Variants in PCMTD1 observed in about 807,000 individuals in gnomAD.
PCMTD1 encodes the protein protein-L-isoaspartate (D-aspartate) O-methyltransferase domain containing 1, also known as protein-L-isoaspartate O-methyltransferase domain-containing protein 1.
A neutral mutation model predicts 37.6 loss-of-function variants in PCMTD1; 12 were observed. The observed-to-expected ratio is 0.32, with a 90% CI of 0.20 to 0.52. The LOEUF (loss-of-function observed/expected upper bound fraction) is 0.52. Among genes scored for constraint, PCMTD1 ranks in the 20% least tolerant of loss-of-function variants. The pLI is 0.97. For synonymous variants in PCMTD1, 117 were observed against 135.8 expected (o/e 0.86, Z 0.96); for missense variants, 235 against 421.3 (o/e 0.56, Z 3.87).
At chr8:51,821,345 C>A (rs1266539956) in intron 5 of PCMTD1, among the ~76,000 whole-genome samples, 1 of 152,142 alleles carries the variant, frequency 6.6e-6, no homozygotes, top group Non-Finnish European at 1.5e-5. Flanking sequence ...CACTATATTG[C>A]CTAGGCAGGT....
chr8:51,882,930 A>G (rs1266148376), intron 1 of PCMTD1, among the ~76,000 whole-genome samples: 3 of 150,734 alleles, frequency 2.0e-5, no homozygotes, highest in Non-Finnish European at 4.4e-5. Flanking sequence ...GATAGAGACC[A>G]TGCTTGCTAA....
chr8:51,881,422 G>A (rs188725444), intron 1 of PCMTD1, among the ~76,000 whole-genome samples: 6 of 152,112 alleles, frequency 3.9e-5, no homozygotes, highest in East Asian at 3.9e-4. Flanking sequence ...GTCCTTCTTC[G>A]TCCTCCACAG....
chr8:51,848,293 G>GA (rs1337668467), intron 2 of PCMTD1, among the ~76,000 whole-genome samples: 12 of 141,346 alleles, frequency 8.5e-5, no homozygotes, highest in Admixed American at 1.4e-4. Context: ...TCTTTAAAGA[G>GA]AAAAAAAAGA....
rs1004471504 is a variant in PCMTD1 at position 51,819,121 on chromosome 8, G to A, written c.*1230C>T. 19 of 152,014 alleles carry A rather than the reference G, an allele frequency of 1.2e-4. 2 individuals carry two copies. Among genetic ancestry groups the A allele is most frequent in the Admixed American group, 1.2e-3 (18 of 15,262 alleles). The allele number at this position is 152,014 out of a possible 1,614,324, so 9.4% of individuals were successfully genotyped here. ...TAAGCTAAAATAAAGCTCAAATATG[G>A]ACAGTTTAACTGTGTGATATTAAGT... On this transcript the variant is annotated 3_prime_UTR_variant, in exon 6 of 6. Transcript: ENST00000522514.
intron 2 of PCMTD1, among the ~76,000 whole-genome samples, chr8:51,853,655 T>C (rs2038341138): frequency 6.6e-6 from 1 of 152,106 alleles, no homozygotes; most frequent in Admixed American, 6.6e-5. Context: ...TCCTGAGAAC[T>C]CATCCTGGTA....
chr8:51,888,261 C>T (rs1272644185), intron 1 of PCMTD1, among the ~76,000 whole-genome samples: 1 of 152,178 alleles, frequency 6.6e-6, no homozygotes, highest in Non-Finnish European at 1.5e-5. Flanking sequence ...TAGCTGTTGA[C>T]ATCCAACAGG....
chr8:51,887,447 T>C (rs2038879652), intron 1 of PCMTD1, among the ~76,000 whole-genome samples: 1 of 152,144 alleles, frequency 6.6e-6, no homozygotes, highest in Non-Finnish European at 1.5e-5. Context: ...ATGCTTATTA[T>C]TACTTGACAG....
At chr8:51,839,699 G>C in intron 3 of PCMTD1, 2 of 819,934 alleles carry the variant, frequency 2.4e-6, no homozygotes, top group Non-Finnish European at 2.9e-6. Context: ...CTGACAATTT[G>C]CACACCTAGT....
intron 5 of PCMTD1, chr8:51,827,494 C>T: frequency 6.5e-6 from 2 of 308,776 alleles, no homozygotes; most frequent in Non-Finnish European, 6.5e-6. Context: ...CTACCATTTC[C>T]TCACCATACA....
chr8:51,859,817 G>A (rs547663516), intron 2 of PCMTD1, among the ~76,000 whole-genome samples: 1 of 152,106 alleles, frequency 6.6e-6, no homozygotes, highest in Non-Finnish European at 1.5e-5. Flanking sequence ...CATCACTTTA[G>A]AATGAATTTT....
At chr8:51,882,997 C>CGTG in intron 1 of PCMTD1, among the ~76,000 whole-genome samples, 1 of 147,740 alleles carries the variant, frequency 6.8e-6, no homozygotes, top group Middle Eastern at 3.5e-3. Context: ...ATTAGCCAGG[C>CGTG]GTGGTGGTGG....
chr8:51,883,909 G>C (rs2129293089), intron 1 of PCMTD1, among the ~76,000 whole-genome samples: 1 of 152,138 alleles, frequency 6.6e-6, no homozygotes, highest in African/African-American at 2.4e-5. Flanking sequence ...AAACAAAATA[G>C]GCACTTTGAT....
intron 2 of PCMTD1, 85 bp downstream of exon 2, chr8:51,860,758 TAC>T: frequency 1.8e-6 from 2 of 1,132,658 alleles, no homozygotes; most frequent in Non-Finnish European, 1.2e-6. Flanking sequence ...AAACATACTG[TAC>T]ACAAAGTTAC....
intron 3 of PCMTD1, among the ~76,000 whole-genome samples, chr8:51,842,114 AAT>A (rs774628968): frequency 6.6e-6 from 1 of 152,296 alleles, no homozygotes; most frequent in African/African-American, 2.4e-5. Flanking sequence ...TGAATTTTAA[AAT>A]ACCATATGTA....
At chr8:51,877,904 T>C (rs1373005666) in intron 1 of PCMTD1, among the ~76,000 whole-genome samples, 1 of 152,162 alleles carries the variant, frequency 6.6e-6, no homozygotes, top group Non-Finnish European at 1.5e-5. Flanking sequence ...TCTTGGAAAA[T>C]ATGTACTAAA....
intron 1 of PCMTD1, among the ~76,000 whole-genome samples, chr8:51,880,153 T>C (rs968006822): frequency 3.3e-5 from 5 of 150,918 alleles, no homozygotes; most frequent in South Asian, 4.2e-4. Flanking sequence ...TGAGCTACAA[T>C]AGCACCACTG....
chr8:51,872,511 G>A (rs1250894566), intron 1 of PCMTD1, among the ~76,000 whole-genome samples: 1 of 151,968 alleles, frequency 6.6e-6, no homozygotes, highest in Non-Finnish European at 1.5e-5. Flanking sequence ...CTCTAACTCA[G>A]GAAAAGTCTA....
chr8:51,864,297 A>G (rs971264017), intron 1 of PCMTD1, among the ~76,000 whole-genome samples: 2 of 152,212 alleles, frequency 1.3e-5, no homozygotes, highest in African/African-American at 4.8e-5. Context: ...AGATCGACTG[A>G]AATACAATAA....
chr8:51,850,181 T>C, intron 2 of PCMTD1: 1 of 671,718 alleles, frequency 1.5e-6, no homozygotes, highest in Non-Finnish European at 2.7e-6. Flanking sequence ...GACCAGTCAC[T>C]GTAAGACCGG....
Sources: allele counts gnomAD v4.1 joint callset (sites outside exome capture counted in the v4.1 genomes callset), GRCh38; gene constraint gnomAD v4.1.1; transcripts MANE v1.5; gene names NCBI Gene and HGNC (gene_info 2026-07-23, HGNC 2026-07-21).